The following UVRAG variants were observed in gnomAD, a reference collection of about 807,000 sequenced individuals.
UVRAG encodes UV radiation resistance-associated gene protein.
Under a neutral mutation model 78.0 loss-of-function variants are expected in UVRAG, and 19 were observed. The ratio of observed to expected loss-of-function variants is 0.24; its 90% confidence interval spans 0.17 to 0.36. The LOEUF is 0.36. Ranked by LOEUF, UVRAG falls within the 10% of genes least tolerant of loss-of-function variation. The probability of loss-of-function intolerance (pLI) is 1.00; values close to 1 mark genes in which losing one functional copy is unlikely to be tolerated. For synonymous variants in UVRAG, 323 were observed against 324.6 expected (o/e 1.00, Z 0.05); for missense variants, 740 against 853.8 (o/e 0.87, Z 1.66).
intron 13 of UVRAG, among the ~76,000 whole-genome samples, chr11:76,091,571 G>A (rs1290513453): frequency 6.6e-5 from 10 of 151,530 alleles, no homozygotes; most frequent in Non-Finnish European, 1.5e-5. Flanking sequence ...CTATCTCTTT[G>A]TCTTTTTGTT....
chr11:75,990,939 T>C (rs1009814117), intron 8 of UVRAG, among the ~76,000 whole-genome samples: 4 of 152,194 alleles, frequency 2.6e-5, no homozygotes, highest in African/African-American at 9.6e-5. Flanking sequence ...CTTATGCTTA[T>C]TGGTGTCATG....
At chr11:76,028,261 A>T (rs1241634948) in intron 12 of UVRAG, among the ~76,000 whole-genome samples, 1 of 152,088 alleles carries the variant, frequency 6.6e-6, no homozygotes, top group African/African-American at 2.4e-5. Context: ...TGACTGCTCC[A>T]CTGACCAGCT....
intron 13 of UVRAG, among the ~76,000 whole-genome samples, chr11:76,107,016 T>A (rs945580557): frequency 6.6e-6 from 1 of 152,210 alleles, no homozygotes. Context: ...GCTTTGATTG[T>A]TTATTTGCAA....
At chr11:75,862,855 C>T (rs75513034) in intron 3 of UVRAG, among the ~76,000 whole-genome samples, 10,008 of 152,228 alleles carry the variant, frequency 0.066, 458 homozygotes, top group African/African-American at 0.13. Flanking sequence ...CTGCCAATCT[C>T]GCTGCTCCTG....
chr11:75,815,588 G>A (rs1030734352), intron 1 of UVRAG, 64 bp downstream of exon 1: 2 of 1,067,340 alleles, frequency 1.9e-6, no homozygotes, highest in Non-Finnish European at 2.4e-6. Flanking sequence ...AGAGCTTGCT[G>A]GCTCCGGGCT....
chr11:75,911,762 A>G, intron 5 of UVRAG, 192 bp from the exon 6 acceptor site: 1 of 435,946 alleles, frequency 2.3e-6, no homozygotes, highest in Non-Finnish European at 4.1e-6. Flanking sequence ...GCCAAAATTT[A>G]TTTTACATTC....
intron 13 of UVRAG, among the ~76,000 whole-genome samples, chr11:76,071,865 A>G (rs1040540520): frequency 6.6e-6 from 1 of 152,216 alleles, no homozygotes; most frequent in Non-Finnish European, 1.5e-5. Flanking sequence ...TGTTACTGCC[A>G]TTTATTGAGA....
chr11:76,006,173 T>C lies in UVRAG; in HGVS notation c.912-1361T>C, dbSNP rs1054755983. On this transcript the variant is annotated intron_variant, in intron 9 of 14. Coordinates refer to ENST00000356136, the MANE Select transcript of UVRAG (RefSeq NM_003369.4). ...TAATGAATAGCAAAAGACACTCTTA[T>C]CGCTCAGGAAATTCCAAGGTTTTTA... 3.3e-5 allele frequency among the ~76,000 whole-genome samples: 5 copies of C among 152,176 alleles called. No individual in the cohort carries two copies. In the South Asian group the frequency reaches 6.2e-4, roughly 19 times the overall value.
rs1945930315 is a variant in UVRAG at position 75,842,251 on chromosome 11, A to G, written c.118-9632A>G. On this transcript the variant is annotated intron_variant, in intron 1 of 14. Transcript: ENST00000356136. ...CTTAATGGATGACAGGGGTGGCAGC[A>G]TTACACTGTAAGAGAGCATGTCAGA... Among the ~76,000 whole-genome samples, 3 of 152,152 alleles carry G rather than the reference A, an allele frequency of 2.0e-5. No individual in the cohort carries two copies. The South Asian group carries it at 6.2e-4, about 31-fold the overall frequency.
At chr11:75,937,482 A>G (rs112138195) in intron 6 of UVRAG, among the ~76,000 whole-genome samples, 13 of 152,162 alleles carry the variant, frequency 8.5e-5, no homozygotes, top group African/African-American at 2.4e-4. Flanking sequence ...AAACATCTCT[A>G]TATCATCTTA....
chr11:75,967,321 C>G lies in UVRAG; in HGVS notation c.699+5772C>G, dbSNP rs147320934. On this transcript the variant is annotated intron_variant, in intron 7 of 14. Coordinates refer to ENST00000356136, the MANE Select transcript of UVRAG (RefSeq NM_003369.4). Reference sequence around the variant, plus strand: ...CTCCTGGCTAAATCCGGGTTCTAAGCCTGTTACTGCTAAGTCTGTGAAATT... The same window carrying G: ...CTCCTGGCTAAATCCGGGTTCTAAGGCTGTTACTGCTAAGTCTGTGAAATT... Among the ~76,000 whole-genome samples, 613 of 152,218 alleles carry G rather than the reference C, an allele frequency of 4.0e-3. 4 individuals carry two copies. Among genetic ancestry groups the G allele is most frequent in the Non-Finnish European group, 6.4e-3 (436 of 68,016 alleles).
chr11:76,069,800 C>T (rs561777798), intron 13 of UVRAG, among the ~76,000 whole-genome samples: 1 of 152,186 alleles, frequency 6.6e-6, no homozygotes, highest in South Asian at 2.1e-4. Flanking sequence ...CAGAGATCCC[C>T]TTACTTCTAT....
At chr11:75,944,285 T>G (rs1948545303) in intron 6 of UVRAG, among the ~76,000 whole-genome samples, 1 of 152,160 alleles carries the variant, frequency 6.6e-6, no homozygotes, top group African/African-American at 2.4e-5. Context: ...ACAAGTTATC[T>G]TAGACTAATG....
intron 13 of UVRAG, among the ~76,000 whole-genome samples, chr11:76,071,086 G>A (rs752774510): frequency 2.6e-5 from 4 of 152,120 alleles, no homozygotes; most frequent in Non-Finnish European, 5.9e-5. Context: ...GTCTCGTTAA[G>A]CTTATAACCT....
At chr11:75,824,049 A>G (rs547405887) in intron 1 of UVRAG, among the ~76,000 whole-genome samples, 35 of 152,034 alleles carry the variant, frequency 2.3e-4, no homozygotes, top group African/African-American at 8.4e-4. Context: ...TAATTTAATC[A>G]TTTTTCTATT....
chr11:76,143,559 C>T lies in UVRAG; in HGVS notation c.*2146C>T, dbSNP rs1297891044. Among the ~76,000 whole-genome samples, 2 of 152,256 alleles carry T rather than the reference C, an allele frequency of 1.3e-5. No homozygotes were observed. Among genetic ancestry groups the T allele is most frequent in the African/African-American group, 2.4e-5 (1 of 41,462 alleles). ...GATTGCTAGGTGCCTACACATTTGC[C>T]TCGACCCACACAGCCCCGTGGTGAT... On this transcript the variant is annotated 3_prime_UTR_variant, in exon 15 of 15. Transcript: ENST00000356136.
chr11:76,086,100 G>A (rs962027522), intron 13 of UVRAG, among the ~76,000 whole-genome samples: 1 of 152,150 alleles, frequency 6.6e-6, no homozygotes, highest in Non-Finnish European at 1.5e-5. Flanking sequence ...TAAGTAACAC[G>A]GGTAATTCAC....
chr11:76,120,124 C>T (rs1026715113), intron 14 of UVRAG, among the ~76,000 whole-genome samples: 3 of 152,160 alleles, frequency 2.0e-5, no homozygotes, highest in East Asian at 3.9e-4. Flanking sequence ...TAAGAAAAGC[C>T]GCTTTATGAA....
chr11:76,063,812 A>G (rs1292817008), intron 12 of UVRAG, among the ~76,000 whole-genome samples: 3 of 152,170 alleles, frequency 2.0e-5, no homozygotes, highest in African/African-American at 7.2e-5. Context: ...TAATTCTCCA[A>G]TATAAGATTT....
Sources: allele counts gnomAD v4.1 joint callset (sites outside exome capture counted in the v4.1 genomes callset), GRCh38; gene constraint gnomAD v4.1.1; transcripts MANE v1.5; gene names NCBI Gene and HGNC (gene_info 2026-07-23, HGNC 2026-07-21).